ABCC1: variants seen among roughly 807,000 people sequenced by gnomAD.
The protein encoded by ABCC1 is ATP binding cassette subfamily C member 1 (ABCC1 blood group).
In ABCC1, 83 loss-of-function variants were observed where a neutral mutation model predicts 172.9. The ratio of observed to expected loss-of-function variants is 0.48; its 90% CI spans 0.40 to 0.58. The LOEUF is 0.58. Ranked by LOEUF, ABCC1 falls within the 20% of genes least tolerant of loss-of-function variation. ABCC1 has a pLI of 0.00. For synonymous variants in ABCC1, 937 were observed against 825.2 expected (o/e 1.14, Z -2.32); for missense variants, 1,817 against 2,002.7 (o/e 0.91, Z 1.77).
rs951524725 is a variant in ABCC1 at position 16,057,988 on chromosome 16, G to A, written c.1677+1693G>A. 1.2e-4 allele frequency among the ~76,000 whole-genome samples: 18 copies of A among 152,044 alleles called. 1 individual carries two copies. Among genetic ancestry groups the A allele is most frequent in the Admixed American group, 9.8e-4 (15 of 15,234 alleles). On this transcript the variant is annotated intron_variant, in intron 12 of 30. Transcript: ENST00000399410. ...GGATGCTTGTCTGACGTGCAGATGC[G>A]CCCTGCTGGAATTACCCTTTCTCCC...
chr16:16,023,803 G>A (rs1423285840), intron 5 of ABCC1, among the ~76,000 whole-genome samples: 2 of 152,176 alleles, frequency 1.3e-5, no homozygotes, highest in Non-Finnish European at 2.9e-5. Flanking sequence ...TAAGGAATGC[G>A]AGGCTCTGGC....
At chr16:16,062,101 A>G (rs974880355) in intron 12 of ABCC1, among the ~76,000 whole-genome samples, 1 of 152,184 alleles carries the variant, frequency 6.6e-6, no homozygotes, top group Non-Finnish European at 1.5e-5. Flanking sequence ...GTCTTGTCTC[A>G]GAGGAAAAGA....
chr16:16,044,888 G>A (rs757310210), intron 8 of ABCC1, among the ~76,000 whole-genome samples: 11 of 152,070 alleles, frequency 7.2e-5, no homozygotes, highest in African/African-American at 2.2e-4. Flanking sequence ...GACTTCAAGC[G>A]ATCCTCCTGC....
At chr16:15,993,560 G>A (rs2046947589) in intron 1 of ABCC1, among the ~76,000 whole-genome samples, 1 of 152,106 alleles carries the variant, frequency 6.6e-6, no homozygotes, top group Non-Finnish European at 1.5e-5. Context: ...AGTGGCAGAG[G>A]CCAGCGACGC....
At chr16:16,000,726 C>T (rs2047278968) in intron 1 of ABCC1, among the ~76,000 whole-genome samples, 1 of 152,188 alleles carries the variant, frequency 6.6e-6, no homozygotes, top group South Asian at 2.1e-4. Flanking sequence ...TCCCAAAATG[C>T]TGAGGTTACA....
At chr16:15,973,879 G>A (rs374199883) in intron 1 of ABCC1, among the ~76,000 whole-genome samples, 1 of 152,088 alleles carries the variant, frequency 6.6e-6, no homozygotes, top group East Asian at 1.9e-4. Flanking sequence ...CAGCTACTCA[G>A]GAGGCAGAGG....
chr16:16,115,224 T>C (rs1374687609), intron 23 of ABCC1, 148 bp downstream of exon 23: 20 of 925,258 alleles, frequency 2.2e-5, no homozygotes, highest in Non-Finnish European at 2.9e-5. Context: ...AATACCTAAA[T>C]TGTTTTTTTG....
chr16:16,097,408 C>T (rs1434677139), intron 19 of ABCC1, among the ~76,000 whole-genome samples: 8 of 152,054 alleles, frequency 5.3e-5, no homozygotes, highest in South Asian at 2.1e-4. Context: ...CCATCGTGCC[C>T]GGCTGCTCTG....
At chr16:16,049,452 G>A (rs2049340539) in intron 10 of ABCC1, among the ~76,000 whole-genome samples, 2 of 152,230 alleles carry the variant, frequency 1.3e-5, no homozygotes, top group African/African-American at 2.4e-5. Flanking sequence ...AAGCAAAGAG[G>A]CTCATAGCAC....
At chr16:15,961,574 A>G (rs545076924) in intron 1 of ABCC1, among the ~76,000 whole-genome samples, 5 of 152,308 alleles carry the variant, frequency 3.3e-5, no homozygotes, top group Non-Finnish European at 7.4e-5. Context: ...GTGTTTTTCG[A>G]GAAAAGTTTC....
chr16:16,048,351 C>T lies in ABCC1; in HGVS notation c.1380+48C>T, dbSNP rs749376408. On this transcript the variant is annotated intron_variant, in intron 10 of 30. Transcript: ENST00000399410. Reference sequence around the variant, plus strand: ...CTTTGCATGCAGGGAGGGACTTCTACGTGTGGGCAGTGGGCCGAGGGAGTG... The same window carrying T: ...CTTTGCATGCAGGGAGGGACTTCTATGTGTGGGCAGTGGGCCGAGGGAGTG... The T allele has an allele frequency of 1.6e-5, 26 of 1,604,840 alleles. No individual in the cohort carries two copies. The Admixed American group carries it at 1.7e-4, about 10-fold the overall frequency.
chr16:16,031,750 C>T (rs367880090), intron 5 of ABCC1, among the ~76,000 whole-genome samples: 2 of 152,090 alleles, frequency 1.3e-5, no homozygotes, highest in African/African-American at 4.8e-5. Context: ...CTTCTCTGAC[C>T]TTCGTACACC....
At chr16:15,992,389 A>T (rs1400122281) in intron 1 of ABCC1, among the ~76,000 whole-genome samples, 1 of 152,060 alleles carries the variant, frequency 6.6e-6, no homozygotes, top group Non-Finnish European at 1.5e-5. Flanking sequence ...CTTGCTGCCA[A>T]AAAGGGGATG....
intron 1 of ABCC1, among the ~76,000 whole-genome samples, chr16:15,965,943 G>A (rs548239713): frequency 2.0e-5 from 3 of 152,212 alleles, no homozygotes; most frequent in South Asian, 2.1e-4. Context: ...GGTAGAGTGC[G>A]TATTGGCTTA....
At chr16:16,005,612 C>G (rs575148908) in intron 1 of ABCC1, among the ~76,000 whole-genome samples, 1 of 152,172 alleles carries the variant, frequency 6.6e-6, no homozygotes, top group African/African-American at 2.4e-5. Flanking sequence ...TCCCAAAGTG[C>G]TGGGATGACA....
rs185975443 is a variant in ABCC1, at chr16:16,104,061, C to T, written c.2735+1344C>T. Among the ~76,000 whole-genome samples, 143 of 152,196 alleles carry T rather than the reference C, an allele frequency of 9.4e-4. No individual in the cohort carries two copies. The Middle Eastern group carries it at 0.017, about 18-fold the overall frequency. ...GGCGTGTCTGGAGTCGTTCGTTCCT[C>T]CCGCTGGGTTTGTGCTCTGGCTGGC... is the stretch of plus-strand genomic sequence containing the variant. On this transcript the variant is annotated intron_variant, in intron 20 of 30. Coordinates refer to ENST00000399410, the MANE Select transcript of ABCC1 (RefSeq NM_004996.4).
At chr16:15,981,950 G>A (rs1002883422) in intron 1 of ABCC1, among the ~76,000 whole-genome samples, 15 of 152,200 alleles carry the variant, frequency 9.9e-5, no homozygotes, top group African/African-American at 3.6e-4. Flanking sequence ...GCTCTTTAGG[G>A]CAAAGGCAAA....
chr16:16,002,361 C>T (rs2047344876), intron 1 of ABCC1, among the ~76,000 whole-genome samples: 2 of 152,140 alleles, frequency 1.3e-5, no homozygotes, highest in Admixed American at 6.5e-5. Flanking sequence ...TGATCATTGC[C>T]TCTAGAGAGA....
At chr16:15,966,554 G>C (rs2046246901) in intron 1 of ABCC1, among the ~76,000 whole-genome samples, 1 of 152,080 alleles carries the variant, frequency 6.6e-6, no homozygotes, top group South Asian at 2.1e-4. Context: ...TTATCTGCGA[G>C]CCCTTTGATA....
Sources: gnomAD v4.1 joint callset for allele counts (sites outside exome capture counted in the v4.1 genomes callset) on GRCh38, gnomAD v4.1.1 for gene constraint, MANE v1.5 for transcripts, NCBI Gene and HGNC (gene_info 2026-07-23, HGNC 2026-07-21) for gene names.